The following PCCB variants were observed in gnomAD, a reference collection of about 807,000 sequenced individuals.
The protein encoded by PCCB is propionyl-CoA carboxylase beta chain, mitochondrial.
PCCB carries 43 observed loss-of-function variants against 60.7 expected under a neutral mutation model. The ratio of observed to expected loss-of-function variants is 0.71; its 90% CI spans 0.55 to 0.91. PCCB has a LOEUF of 0.91. Among genes scored for constraint, PCCB ranks in the 40% least tolerant of loss-of-function variants. The pLI, the probability that PCCB is intolerant of heterozygous loss-of-function variation, is 0.00. For missense variants in PCCB, 766 were observed against 702.8 expected (o/e 1.09, Z -1.02); for synonymous variants, 276 against 255.9 (o/e 1.08, Z -0.75).
chr3:136,299,902 A>G (rs1576340145), intron 8 of PCCB, among the ~76,000 whole-genome samples: 1 of 151,896 alleles, frequency 6.6e-6, no homozygotes, highest in African/African-American at 2.4e-5. Flanking sequence ...ATGCGTACAT[A>G]TGTATGCATG....
At chr3:136,264,389 T>C (rs1281767110) in intron 5 of PCCB, among the ~76,000 whole-genome samples, 5 of 150,276 alleles carry the variant, frequency 3.3e-5, no homozygotes, top group East Asian at 1.9e-4. Context: ...GCACTTTCTA[T>C]GTGCGCGCTC....
intron 2 of PCCB, 96 bp from the exon 3 acceptor site, chr3:136,256,459 G>T (rs1000588905): frequency 2.6e-5 from 22 of 859,774 alleles, no homozygotes; most frequent in Non-Finnish European, 4.0e-5. Flanking sequence ...TTAGGAATTT[G>T]GGTTTTGTTT....
rs375999824 is a variant in PCCB, at chr3:136,298,002, C to A, written c.814C>A (p.Arg272=). Residue 272 remains arginine, a synonymous_variant, in exon 8 of 15, where the codon CGG becomes AGG. Transcript: ENST00000251654. ...ENDVDALCNL[R]DFFNYLPLSS... is the part of the protein sequence containing the mutation. ...TGATGTTGATGCCTTGTGTAATCTCCGGGATTTCTTCAACTACCTGCCCCT... is the reference window on the plus strand; with the variant it reads ...TGATGTTGATGCCTTGTGTAATCTCAGGGATTTCTTCAACTACCTGCCCCT... The A allele has an allele frequency of 3.1e-6, 5 of 1,614,122 alleles. No individual in the cohort carries two copies. The Admixed American group carries it at 6.7e-5, about 22-fold the overall frequency.
chr3:136,267,561 T>C (rs1942038481), intron 5 of PCCB, among the ~76,000 whole-genome samples: 1 of 152,100 alleles, frequency 6.6e-6, no homozygotes, highest in Non-Finnish European at 1.5e-5. Context: ...CATGGCTCAC[T>C]GCAGCCTGGA....
Position 136,327,180 on chromosome 3 carries a change from C to T in PCCB, c.1224C>T (p.Ile408=), listed in dbSNP as rs773701247. The change falls in exon 12 of 15, where the codon ATC becomes ATT. Residue 408 remains isoleucine, a synonymous_variant. Transcript: ENST00000251654. ...GCACAGCACAGGAATACGGGGGCAT[C>T]ATCCGGCATGGTGCCAAGCTTCTCT... ...LPGTAQEYGG[I]IRHGAKLLYA... is the part of the protein sequence containing the mutation. 3.7e-6 allele frequency: 6 copies of T among 1,613,890 alleles called. No homozygotes were observed. Among genetic ancestry groups the T allele is most frequent in the African/African-American group, 2.7e-5 (2 of 74,912 alleles).
intron 5 of PCCB, among the ~76,000 whole-genome samples, chr3:136,269,973 C>G (rs1216860933): frequency 6.8e-6 from 1 of 147,384 alleles, no homozygotes; most frequent in Non-Finnish European, 1.5e-5. Context: ...CACCATTAAG[C>G]ATGATGTTAA....
At chr3:136,268,094 A>ATATATATATATATATATATATATG (rs1942071519) in intron 5 of PCCB, among the ~76,000 whole-genome samples, 2 of 64,296 alleles carry the variant, frequency 3.1e-5, no homozygotes, top group African/African-American at 1.6e-4. Context: ...GTAGATATAT[A>ATATATATATATATATATATATATG]TATATATATA....
At chr3:136,316,852 T>C (rs1334261756) in intron 9 of PCCB, 89 bp from the exon 10 acceptor site, 2 of 1,477,244 alleles carry the variant, frequency 1.4e-6, no homozygotes, top group Admixed American at 1.7e-5. Flanking sequence ...ACCTCTGTAA[T>C]TCTGTAATAG....
chr3:136,328,955 C>A (rs1935435015), intron 14 of PCCB, 98 bp downstream of exon 14: 2 of 957,920 alleles, frequency 2.1e-6, no homozygotes, highest in Non-Finnish European at 3.4e-6. Flanking sequence ...TTTGCCTTTG[C>A]AGTCTAATCT....
intron 3 of PCCB, 68 bp from the exon 4 acceptor site, chr3:136,260,411 C>T (rs1941789741): frequency 7.7e-7 from 1 of 1,294,706 alleles, no homozygotes; most frequent in Non-Finnish European, 1.1e-6. Flanking sequence ...TCTATTTCTT[C>T]CTCCCACTGG....
rs1162219665 is a variant in PCCB at position 136,304,291 on chromosome 3, AC to A, written c.966+3181del. Among the ~76,000 whole-genome samples the A allele has an allele frequency of 1.7e-5, 2 of 119,814 alleles. 1 individual carries two copies. The highest frequency in any genetic ancestry group is 3.7e-5 in the Non-Finnish European group (2 of 54,038). 78.6% of individuals were successfully genotyped at this position (119,814 alleles called of 152,430 possible). A position where few individuals can be genotyped will look rare whatever the true frequency, so the allele number is the denominator to read the frequency against. Reference sequence around the variant, plus strand: ...CACTTCAGCCTCCTGAGTAGCTGGGACTATAGCTGCATGCCACCACATCTGG... The same window carrying A: ...CACTTCAGCCTCCTGAGTAGCTGGGATATAGCTGCATGCCACCACATCTGG... On this transcript the variant is annotated intron_variant, in intron 9 of 14. Transcript: ENST00000251654.
chr3:136,269,803 G>A (rs1275755992), intron 5 of PCCB, among the ~76,000 whole-genome samples: 2 of 150,708 alleles, frequency 1.3e-5, no homozygotes, highest in Non-Finnish European at 2.9e-5. Flanking sequence ...GGAGAATGCC[G>A]TGAACCCGGG....
At chr3:136,267,944 C>CTTT (rs1190834904) in intron 5 of PCCB, among the ~76,000 whole-genome samples, 18 of 103,440 alleles carry the variant, frequency 1.7e-4, no homozygotes, top group African/African-American at 4.5e-4. Context: ...AGGTTTGGCT[C>CTTT]TTTTTTTTTT....
intron 8 of PCCB, among the ~76,000 whole-genome samples, chr3:136,299,634 GTGTA>G (rs749924043): frequency 2.5e-4 from 27 of 108,124 alleles, no homozygotes; most frequent in South Asian, 1.4e-3. Context: ...AGGTATGCAT[GTGTA>G]TGTATGTATA....
intron 9 of PCCB, among the ~76,000 whole-genome samples, chr3:136,310,230 G>A (rs1033106794): frequency 3.9e-5 from 6 of 152,134 alleles, no homozygotes; most frequent in Non-Finnish European, 7.3e-5. Context: ...AGGTGTGGTG[G>A]TACATGCCTG....
chr3:136,281,796 G>T (rs372519529), intron 5 of PCCB, among the ~76,000 whole-genome samples: 6 of 151,908 alleles, frequency 3.9e-5, no homozygotes, highest in African/African-American at 1.5e-4. Context: ...TCAACTGCTG[G>T]GTCCATCTGT....
In PCCB at chr3:136,260,201, G is replaced by A. The variant is rs770761918; in HGVS notation, c.373-278G>A. 1.2e-5 allele frequency: 6 copies of A among 486,856 alleles called. No individual in the cohort carries two copies. In the East Asian group the frequency reaches 2.1e-4, roughly 17 times the overall value. The allele number at this position is 486,856 out of a possible 1,614,324, so 30.2% of individuals were successfully genotyped here. On this transcript the variant is annotated intron_variant, in intron 3 of 14. Coordinates refer to ENST00000251654, the MANE Select transcript of PCCB (RefSeq NM_000532.5). ...CAATCCTCCTGCCTCAGCCTCCCGA[G>A]TAGCTGGGATTCCAGGCATGTGCCA...
intron 2 of PCCB, 25 bp downstream of exon 2, chr3:136,256,000 A>G (rs774134627): frequency 6.2e-7 from 1 of 1,614,138 alleles, no homozygotes; most frequent in Non-Finnish European, 8.5e-7. Context: ...GGTGGTGTGA[A>G]CACTTTTTAG....
At chr3:136,327,348 G>GGAGT in intron 12 of PCCB, 93 bp downstream of exon 12, 2 of 918,702 alleles carry the variant, frequency 2.2e-6, no homozygotes, top group Non-Finnish European at 3.6e-6. Flanking sequence ...AGGGCTGGAA[G>GGAGT]GAGTACACCT....
Sources: allele counts gnomAD v4.1 joint callset (sites outside exome capture counted in the v4.1 genomes callset), GRCh38; gene constraint gnomAD v4.1.1; transcripts MANE v1.5; gene names NCBI Gene and HGNC (gene_info 2026-07-23, HGNC 2026-07-21).